The following MCU variants were observed in gnomAD, a reference collection of about 807,000 sequenced individuals.
MCU encodes mitochondrial calcium uniporter.
Under a neutral mutation model 45.2 loss-of-function variants are expected in MCU, and 12 were observed. The ratio of observed to expected loss-of-function variants is 0.27; its 90% CI spans 0.17 to 0.43. The LOEUF is 0.43. Ranked by LOEUF, MCU falls within the 20% of genes least tolerant of loss-of-function variation. The pLI is 1.00. For missense variants in MCU, 324 were observed against 436.7 expected, an observed-to-expected ratio of 0.74 and a Z score of 2.30; for synonymous variants, 160 against 165.1, an observed-to-expected ratio of 0.97 and a Z score of 0.24.
At chr10:72,857,940 C>T (rs1179304424) in intron 2 of MCU, among the ~76,000 whole-genome samples, 1 of 152,116 alleles carries the variant, frequency 6.6e-6, no homozygotes, top group African/African-American at 2.4e-5. Flanking sequence ...TTCTGTCTAG[C>T]CAAGCTCATG....
chr10:72,812,945 A>C (rs1844567457), intron 1 of MCU, among the ~76,000 whole-genome samples: 1 of 152,132 alleles, frequency 6.6e-6, no homozygotes, highest in South Asian at 2.1e-4. Context: ...TTTAACTGTC[A>C]CCTCTGATTC....
intron 4 of MCU, among the ~76,000 whole-genome samples, chr10:72,864,841 T>G (rs1845429907): frequency 1.3e-5 from 2 of 152,230 alleles, no homozygotes; most frequent in Non-Finnish European, 2.9e-5. Context: ...TCTTCTTTAT[T>G]CCCTGATTCT....
At chr10:72,802,579 C>T (rs1844360025) in intron 1 of MCU, among the ~76,000 whole-genome samples, 1 of 152,112 alleles carries the variant, frequency 6.6e-6, no homozygotes, top group African/African-American at 2.4e-5. Context: ...AAATACTTAT[C>T]CATTGTAGAC....
intron 4 of MCU, among the ~76,000 whole-genome samples, chr10:72,866,252 G>A (rs1845454836): frequency 6.6e-6 from 1 of 152,158 alleles, no homozygotes; most frequent in Admixed American, 6.5e-5. Context: ...AGAGTGGTTT[G>A]AAATTCTGTA....
chr10:72,715,695 G>A (rs1033593325), intron 1 of MCU, among the ~76,000 whole-genome samples: 1 of 152,212 alleles, frequency 6.6e-6, no homozygotes, highest in African/African-American at 2.4e-5. Context: ...AATGGTTGAG[G>A]TTAATCAGGT....
At chr10:72,724,401 C>A (rs1843069244) in intron 1 of MCU, among the ~76,000 whole-genome samples, 1 of 152,108 alleles carries the variant, frequency 6.6e-6, no homozygotes, top group African/African-American at 2.4e-5. Context: ...AACTCATGTT[C>A]CTTAACTCTC....
chr10:72,717,804 G>A (rs1327948457), intron 1 of MCU, among the ~76,000 whole-genome samples: 1 of 152,236 alleles, frequency 6.6e-6, no homozygotes, highest in Admixed American at 6.5e-5. Context: ...TCTGGATTGC[G>A]TTTTGAAAGG....
At chr10:72,705,982 CA>C (rs1298874217) in intron 1 of MCU, among the ~76,000 whole-genome samples, 6 of 149,018 alleles carry the variant, frequency 4.0e-5, no homozygotes, top group Non-Finnish European at 7.5e-5. Context: ...GACTCTCTCT[CA>C]AAAAAAAAGG....
chr10:72,846,966 A>G (rs1431314890), intron 2 of MCU, among the ~76,000 whole-genome samples: 3 of 152,178 alleles, frequency 2.0e-5, no homozygotes, highest in African/African-American at 7.2e-5. Flanking sequence ...TTTAGATGTC[A>G]GTGTATTGAT....
chr10:72,773,391 AG>A (rs1210920368), intron 1 of MCU, among the ~76,000 whole-genome samples: 1 of 152,314 alleles, frequency 6.6e-6, no homozygotes, highest in East Asian at 1.9e-4. Flanking sequence ...TGGATCAAGC[AG>A]AGAAAATAGT....
chr10:72,873,027 T>G (rs1845569144), intron 6 of MCU, among the ~76,000 whole-genome samples: 1 of 140,826 alleles, frequency 7.1e-6, no homozygotes, highest in Non-Finnish European at 1.5e-5. Context: ...TTTTTTTTTT[T>G]TTTTTTTTTG....
chr10:72,747,130 C>T (rs1252370194), intron 1 of MCU, among the ~76,000 whole-genome samples: 1 of 152,156 alleles, frequency 6.6e-6, no homozygotes, highest in Non-Finnish European at 1.5e-5. Flanking sequence ...TGTTTAGTGC[C>T]TGTGTTTTGC....
chr10:72,822,559 G>A lies in MCU; in HGVS notation c.151-11800G>A, dbSNP rs149960382. ...AGTTCTGAATAGGCATTTTTCCAGT[G>A]AAGACATAAAGGTGGTCAGTAAGCA... On this transcript the variant is annotated intron_variant, in intron 1 of 7. Transcript: ENST00000373053. Among the ~76,000 whole-genome samples, 890 of 152,264 alleles carry A rather than the reference G, an allele frequency of 5.8e-3. 9 individuals carry two copies. Among genetic ancestry groups the A allele is most frequent in the African/African-American group, 0.02 (849 of 41,542 alleles).
chr10:72,845,382 A>T (rs1011606013), intron 2 of MCU, among the ~76,000 whole-genome samples: 3 of 152,180 alleles, frequency 2.0e-5, no homozygotes, highest in Non-Finnish European at 4.4e-5. Context: ...ATAGGGGGAA[A>T]ATCTGGTTTT....
chr10:72,735,315 G>T (rs1843238421), intron 1 of MCU, among the ~76,000 whole-genome samples: 1 of 152,074 alleles, frequency 6.6e-6, no homozygotes, highest in Non-Finnish European at 1.5e-5. Context: ...AGAATTGACT[G>T]AATTGATTAA....
chr10:72,796,156 G>T (rs1449830956), intron 1 of MCU, among the ~76,000 whole-genome samples: 1 of 151,970 alleles, frequency 6.6e-6, no homozygotes, highest in Non-Finnish European at 1.5e-5. Context: ...CCTTTAAAAC[G>T]GTCCAATTGT....
intron 1 of MCU, among the ~76,000 whole-genome samples, chr10:72,772,893 TTTTGTTTG>T (rs149924655): frequency 1.3e-5 from 2 of 149,608 alleles, no homozygotes; most frequent in Admixed American, 6.7e-5. Context: ...AAATAGCAGG[TTTTGTTTG>T]TTTGTTTGTT....
At chr10:72,834,459 T>C (rs200593871) in intron 2 of MCU, 31 bp downstream of exon 2, 1 of 1,569,646 alleles carries the variant, frequency 6.4e-7, no homozygotes, top group East Asian at 2.2e-5. Flanking sequence ...CTTTTATGTC[T>C]AATATTATTT....
At chr10:72,736,790 T>G (rs1167537794) in intron 1 of MCU, among the ~76,000 whole-genome samples, 3 of 152,224 alleles carry the variant, frequency 2.0e-5, no homozygotes, top group African/African-American at 4.8e-5. Flanking sequence ...AATAGTGCCC[T>G]TTTGATGATT....
Sources: allele counts gnomAD v4.1 joint callset (sites outside exome capture counted in the v4.1 genomes callset), GRCh38; gene constraint gnomAD v4.1.1; transcripts MANE v1.5; gene names NCBI Gene and HGNC (gene_info 2026-07-23, HGNC 2026-07-21).